The following RBM47 variants were observed in gnomAD, a reference collection of about 807,000 sequenced individuals.
The protein encoded by RBM47 is RNA binding motif protein 47.
Under a neutral mutation model 47.1 loss-of-function variants are expected in RBM47, and 21 were observed. That is an observed-to-expected ratio of 0.45 (90% CI 0.32 to 0.64). The LOEUF is 0.64. RBM47 is among the 30% of genes least tolerant of loss of function. The pLI, the probability that RBM47 is intolerant of heterozygous loss-of-function variation, is 0.05. For missense variants in RBM47, 708 were observed against 870.9 expected (o/e 0.81, Z 2.35); for synonymous variants, 375 against 361.7 (o/e 1.04, Z -0.42).
chr4:40,612,339 C>T (rs1736336197), intron 1 of RBM47, among the ~76,000 whole-genome samples: 1 of 152,172 alleles, frequency 6.6e-6, no homozygotes, highest in African/African-American at 2.4e-5. Context: ...CAAGAACAGC[C>T]TCTACTAAAA....
chr4:40,437,167 T>TA (rs781328732), intron 4 of RBM47, among the ~76,000 whole-genome samples: 1 of 123,420 alleles, frequency 8.1e-6, no homozygotes, highest in Non-Finnish European at 1.6e-5. Flanking sequence ...CATATATATA[T>TA]ATATAATACA....
intron 2 of RBM47, among the ~76,000 whole-genome samples, chr4:40,490,121 G>A (rs1721659074): frequency 1.3e-5 from 2 of 152,180 alleles, no homozygotes; most frequent in South Asian, 4.1e-4. Flanking sequence ...AAGCAGAAGG[G>A]AACTTCTTCA....
chr4:40,425,898 C>T lies in RBM47; in HGVS notation c.*6G>A, dbSNP rs201195667. On this transcript the variant is annotated 3_prime_UTR_variant, in exon 7 of 7. Coordinates refer to ENST00000295971, the MANE Select transcript of RBM47 (RefSeq NM_001098634.2). ...GTGTGGTCTGTCTTCGTGCTGGTCA[C>T]CAGCCTCAGTATGTCTGGTAGACGT... is the stretch of plus-strand genomic sequence containing the variant. 1.2e-6 allele frequency: 2 copies of T among 1,613,908 alleles called. No individual in the cohort carries two copies. Among genetic ancestry groups the T allele is most frequent in the African/African-American group, 1.3e-5 (1 of 75,056 alleles).
chr4:40,605,408 A>G (rs1026787471), intron 1 of RBM47, among the ~76,000 whole-genome samples: 2 of 152,342 alleles, frequency 1.3e-5, no homozygotes, highest in South Asian at 4.1e-4. Context: ...GGCCTAGTAT[A>G]GTGTTCAAAC....
At chr4:40,575,552 C>CAAAAAAAA (rs33963787) in intron 1 of RBM47, among the ~76,000 whole-genome samples, 6 of 98,364 alleles carry the variant, frequency 6.1e-5, no homozygotes, top group African/African-American at 1.0e-4. Context: ...AACTCCATCT[C>CAAAAAAAA]AAAAAAAAAA....
chr4:40,431,672 A>G (rs1386220053), intron 6 of RBM47, among the ~76,000 whole-genome samples: 1 of 9,096 alleles, frequency 1.1e-4, no homozygotes, highest in Non-Finnish European at 3.1e-4. Flanking sequence ...AAAAAAAAAA[A>G]GAGAGAGAAA....
intron 3 of RBM47, among the ~76,000 whole-genome samples, chr4:40,455,015 G>A (rs1173658091): frequency 6.6e-6 from 1 of 152,148 alleles, no homozygotes; most frequent in African/African-American, 2.4e-5. Flanking sequence ...TAGAGTGGAA[G>A]GAATTTCCAG....
rs933416032 is a variant in RBM47 at position 40,544,482 on chromosome 4, C to T, written c.-215G>A. ...TGCTGGGTGACCTGACGCAGAGTCTCTTTCCAAGGCCTCCGTTACCTGAGC... is the reference window on the plus strand; with the variant it reads ...TGCTGGGTGACCTGACGCAGAGTCTTTTTCCAAGGCCTCCGTTACCTGAGC... On this transcript the variant is annotated 5_prime_UTR_variant, in exon 2 of 7. Coordinates refer to ENST00000295971, the MANE Select transcript of RBM47 (RefSeq NM_001098634.2). 2.6e-5 allele frequency: 4 copies of T among 152,130 alleles called. No homozygotes were observed. The highest frequency in any genetic ancestry group is 4.4e-5 in the Non-Finnish European group (3 of 68,026). The allele number at this position is 152,130 out of a possible 1,614,324, so 9.4% of individuals were successfully genotyped here. A position where few individuals can be genotyped will look rare whatever the true frequency, so the allele number is the denominator to read the frequency against.
At chr4:40,621,376 T>G (rs554214902) in intron 1 of RBM47, among the ~76,000 whole-genome samples, 15 of 152,292 alleles carry the variant, frequency 9.8e-5, no homozygotes, top group South Asian at 2.1e-4. Flanking sequence ...CAAACAAACA[T>G]GACAGATCAG....
At chr4:40,499,164 T>C (rs1429799173) in intron 2 of RBM47, among the ~76,000 whole-genome samples, 1 of 152,232 alleles carries the variant, frequency 6.6e-6, no homozygotes, top group Non-Finnish European at 1.5e-5. Flanking sequence ...TTGGAATTTG[T>C]ATTTTATTCC....
rs201408070 is a variant in RBM47, at chr4:40,486,069, C to CAAAAAA, written c.-154-19376_-154-19371dup. The stretch of plus-strand genomic sequence containing the variant: ...TGGACAACAGAGCAAAACCCTGTTT[C>CAAAAAA]AAAAAAAAAAAAAAAAAAAAAAAAA... On this transcript the variant is annotated intron_variant, in intron 2 of 6. Transcript: ENST00000295971. Among the ~76,000 whole-genome samples the CAAAAAA allele has an allele frequency of 1.1e-3, 71 of 62,816 alleles. 3 individuals carry two copies. The highest frequency in any genetic ancestry group is 3.3e-3 in the African/African-American group (66 of 20,192). 41.2% of individuals were successfully genotyped at this position (62,816 alleles called of 152,430 possible). A position where few individuals can be genotyped will look rare whatever the true frequency, so the allele number is the denominator to read the frequency against.
At chr4:40,501,615 A>G (rs1723377850) in intron 2 of RBM47, among the ~76,000 whole-genome samples, 1 of 152,252 alleles carries the variant, frequency 6.6e-6, no homozygotes, top group Non-Finnish European at 1.5e-5. Flanking sequence ...ACTGCACTGC[A>G]TGCAGCTATG....
rs545794680 is a variant in RBM47, at chr4:40,593,697, G to A, written c.-240+35699C>T. On this transcript the variant is annotated intron_variant, in intron 1 of 6. Transcript: ENST00000295971. ...AGATCGAGACCATCCTGGCTAACAC[G>A]GTGAAACCCCGTCTCTACTAAAAAT... 6.6e-5 allele frequency among the ~76,000 whole-genome samples: 10 copies of A among 152,098 alleles called. No individual in the cohort carries two copies. In the South Asian group the frequency reaches 1.5e-3, roughly 22 times the overall value.
chr4:40,434,203 A>AC (rs1711909387), intron 5 of RBM47, among the ~76,000 whole-genome samples: 1 of 152,198 alleles, frequency 6.6e-6, no homozygotes, highest in South Asian at 2.1e-4. Flanking sequence ...GATAAAATAT[A>AC]CCTAAAACCT....
intron 1 of RBM47, among the ~76,000 whole-genome samples, chr4:40,605,802 G>C (rs1344657937): frequency 6.6e-6 from 1 of 151,974 alleles, no homozygotes; most frequent in Non-Finnish European, 1.5e-5. Context: ...CTGCACTCCA[G>C]CCTGAGCAAG....
At chr4:40,589,357 C>A (rs1390397139) in intron 1 of RBM47, among the ~76,000 whole-genome samples, 1 of 152,212 alleles carries the variant, frequency 6.6e-6, no homozygotes, top group East Asian at 1.9e-4. Context: ...GAGGGTTGCA[C>A]ATGCCTGTGA....
At chr4:40,514,937 G>GT (rs1725395006) in intron 2 of RBM47, among the ~76,000 whole-genome samples, 1 of 127,704 alleles carries the variant, frequency 7.8e-6, no homozygotes, top group African/African-American at 3.9e-5. Context: ...AACTGTCAAA[G>GT]GCAAGAGTTA....
rs557202654 is a variant in RBM47, at chr4:40,629,669, G to T, written c.-513C>A. The T allele has an allele frequency of 6.6e-6, 1 of 152,342 alleles. No homozygotes were observed. The highest frequency in any genetic ancestry group is 2.4e-5 in the African/African-American group (1 of 41,570). 9.4% of individuals were successfully genotyped at this position (152,342 alleles called of 1,614,324 possible). A position where few individuals can be genotyped will look rare whatever the true frequency, so the allele number is the denominator to read the frequency against. The stretch of plus-strand genomic sequence containing the variant: ...CAGAGAGAAAGTCTCCAGGAGGACC[G>T]CTCCCCAAACCCTGGTTTCTCTCTA... On this transcript the variant is annotated 5_prime_UTR_variant, in exon 1 of 7. Coordinates refer to ENST00000295971, the MANE Select transcript of RBM47 (RefSeq NM_001098634.2).
chr4:40,545,113 G>A (rs759657188), intron 1 of RBM47, among the ~76,000 whole-genome samples: 4 of 148,396 alleles, frequency 2.7e-5, no homozygotes, highest in Admixed American at 6.8e-5. Context: ...GTGCAGTGGC[G>A]AGACCTCAGC....
Sources: allele counts gnomAD v4.1 joint callset (sites outside exome capture counted in the v4.1 genomes callset), GRCh38; gene constraint gnomAD v4.1.1; transcripts MANE v1.5; gene names NCBI Gene and HGNC (gene_info 2026-07-23, HGNC 2026-07-21).